Variants in COG5 observed in about 807,000 individuals in gnomAD.
The protein encoded by COG5 is conserved oligomeric Golgi complex subunit 5.
A neutral mutation model predicts 110.4 loss-of-function variants in COG5; 86 were observed. That is an observed-to-expected ratio of 0.78 (90% CI 0.65 to 0.93). The LOEUF (loss-of-function observed/expected upper bound fraction) is 0.93. Among genes scored for constraint, COG5 ranks in the 40% least tolerant of loss-of-function variants. The pLI, the probability that COG5 is intolerant of heterozygous loss-of-function variation, is 0.00. For missense variants in COG5, 1,077 were observed against 987.0 expected, an observed-to-expected ratio of 1.09 and a Z score of -1.22; for synonymous variants, 360 against 334.6, an observed-to-expected ratio of 1.08 and a Z score of -0.83.
intron 12 of COG5, among the ~76,000 whole-genome samples, chr7:107,289,981 C>G (rs1190413564): frequency 2.0e-5 from 3 of 152,186 alleles, no homozygotes; most frequent in Non-Finnish European, 2.9e-5. Context: ...GGCCACATCT[C>G]TCTCCAGGTG....
intron 6 of COG5, among the ~76,000 whole-genome samples, chr7:107,459,139 C>G (rs976009712): frequency 5.9e-5 from 9 of 151,872 alleles, no homozygotes; most frequent in Non-Finnish European, 5.9e-5. Flanking sequence ...ACTCTGCACT[C>G]TAATTAAAAG....
intron 10 of COG5, among the ~76,000 whole-genome samples, chr7:107,325,636 C>T (rs1809699803): frequency 6.6e-6 from 1 of 151,616 alleles, no homozygotes; most frequent in Non-Finnish European, 1.5e-5. Flanking sequence ...GGGCAACAGA[C>T]CAAAACTCAG....
chr7:107,368,551 G>A (rs1268936326), intron 8 of COG5, among the ~76,000 whole-genome samples: 1 of 151,928 alleles, frequency 6.6e-6, no homozygotes, highest in Non-Finnish European at 1.5e-5. Flanking sequence ...TAAGCTACAT[G>A]TTTATGTTTT....
intron 6 of COG5, among the ~76,000 whole-genome samples, chr7:107,445,302 T>C (rs1794942959): frequency 6.6e-6 from 1 of 152,216 alleles, no homozygotes; most frequent in Admixed American, 6.5e-5. Context: ...ACCATACACA[T>C]TTCTAAAGGT....
intron 13 of COG5, among the ~76,000 whole-genome samples, chr7:107,282,996 T>C (rs903731263): frequency 5.3e-5 from 8 of 152,210 alleles, no homozygotes; most frequent in African/African-American, 1.9e-4. Flanking sequence ...CAACTGCAAA[T>C]TGGTCTGGAT....
At position 107,212,608 on chromosome 7, in the gene COG5, G is replaced by A. The variant is rs940565910; in HGVS notation, c.2169-1383C>T. 2.0e-5 allele frequency among the ~76,000 whole-genome samples: 3 copies of A among 152,224 alleles called. 1 individual carries two copies. Among genetic ancestry groups the A allele is most frequent in the Admixed American group, 2.0e-4 (3 of 15,290 alleles). ...CATTATCAACAGGATAGCACCTACA[G>A]TGTGTCAGGCACAGTTTAAAGCTTT... On this transcript the variant is annotated intron_variant, in intron 19 of 21. Coordinates refer to ENST00000297135, the MANE Select transcript of COG5 (RefSeq NM_006348.5).
chr7:107,328,802 T>G (rs1323116776), intron 10 of COG5, among the ~76,000 whole-genome samples: 1 of 152,040 alleles, frequency 6.6e-6, no homozygotes, highest in Admixed American at 6.5e-5. Flanking sequence ...TTTATTTTAT[T>G]TTTATTATTT....
Position 107,337,433 on chromosome 7 carries a change from T to C in COG5, c.1027-12912A>G, listed in dbSNP as rs536650571. The stretch of plus-strand genomic sequence containing the variant: ...ATGGATAAAGAAAACATGACACATA[T>C]ACACAATGGAATACTACTTGGCCAC... On this transcript the variant is annotated intron_variant, in intron 10 of 21. Coordinates refer to ENST00000297135, the MANE Select transcript of COG5 (RefSeq NM_006348.5). Among the ~76,000 whole-genome samples the C allele has an allele frequency of 3.9e-5, 6 of 152,260 alleles. No individual in the cohort carries two copies. The South Asian group carries it at 1.0e-3, about 26-fold the overall frequency.
chr7:107,506,057 G>C (rs947668999), intron 6 of COG5, among the ~76,000 whole-genome samples: 2 of 152,206 alleles, frequency 1.3e-5, no homozygotes, highest in Admixed American at 1.3e-4. Context: ...AATGATGGTT[G>C]TAGTAGTAAT....
At chr7:107,263,601 T>C (rs1803554143) in intron 14 of COG5, among the ~76,000 whole-genome samples, 1 of 151,968 alleles carries the variant, frequency 6.6e-6, no homozygotes, top group Non-Finnish European at 1.5e-5. Context: ...ACACAAGGAA[T>C]GAGAGGGAAT....
chr7:107,422,816 C>T (rs1793386978), intron 6 of COG5, among the ~76,000 whole-genome samples: 1 of 140,612 alleles, frequency 7.1e-6, no homozygotes, highest in South Asian at 2.3e-4. Context: ...ACATTATTCT[C>T]CTTGGCTTCT....
intron 7 of COG5, among the ~76,000 whole-genome samples, chr7:107,379,811 G>T (rs1361654100): frequency 6.6e-6 from 1 of 152,046 alleles, no homozygotes; most frequent in Non-Finnish European, 1.5e-5. Context: ...AAGAGACTTA[G>T]ACTCCCACAC....
intron 6 of COG5, among the ~76,000 whole-genome samples, chr7:107,420,230 T>C (rs1793182945): frequency 1.3e-5 from 2 of 152,116 alleles, no homozygotes; most frequent in South Asian, 4.1e-4. Context: ...ACTCCAACAG[T>C]GAAGATTAAA....
At chr7:107,504,182 G>C (rs987504592) in intron 6 of COG5, among the ~76,000 whole-genome samples, 2 of 152,090 alleles carry the variant, frequency 1.3e-5, no homozygotes, top group East Asian at 3.9e-4. Context: ...TCTATGCCTA[G>C]TTTGTTGAGG....
rs368972254 is a variant in COG5, at chr7:107,382,293, G to A, written c.670-9533C>T. 5.9e-5 allele frequency among the ~76,000 whole-genome samples: 9 copies of A among 152,216 alleles called. No individual in the cohort carries two copies. In the East Asian group the frequency reaches 9.7e-4, roughly 16 times the overall value. Reference sequence around the variant, plus strand: ...AGGATACAAACCCATGGTTGGGCTCGGCTTTAAAAGGTCTTATCTGAGATT... The same window carrying A: ...AGGATACAAACCCATGGTTGGGCTCAGCTTTAAAAGGTCTTATCTGAGATT... On this transcript the variant is annotated intron_variant, in intron 7 of 21. Coordinates refer to ENST00000297135, the MANE Select transcript of COG5 (RefSeq NM_006348.5).
intron 6 of COG5, among the ~76,000 whole-genome samples, chr7:107,443,117 C>G (rs1186294495): frequency 6.6e-6 from 1 of 151,956 alleles, no homozygotes; most frequent in Non-Finnish European, 1.5e-5. Flanking sequence ...TGTCTGTCAG[C>G]TGATGAAAAG....
At chr7:107,312,497 G>A (rs1014959774) in intron 11 of COG5, among the ~76,000 whole-genome samples, 5 of 152,162 alleles carry the variant, frequency 3.3e-5, no homozygotes, top group African/African-American at 9.7e-5. Flanking sequence ...GGGTGGGCAT[G>A]GGGAAAGAGG....
At chr7:107,516,253 C>T (rs964692783) in intron 6 of COG5, among the ~76,000 whole-genome samples, 3 of 152,126 alleles carry the variant, frequency 2.0e-5, no homozygotes, top group African/African-American at 7.2e-5. Flanking sequence ...TTTACAGATG[C>T]GTATCTGTCA....
intron 7 of COG5, among the ~76,000 whole-genome samples, chr7:107,381,500 A>ATT (rs1263492451): frequency 6.6e-6 from 1 of 152,232 alleles, no homozygotes; most frequent in African/African-American, 2.4e-5. Context: ...AACCATAGAG[A>ATT]TAACCAAACT....
Sources: gnomAD v4.1 joint callset for allele counts (sites outside exome capture counted in the v4.1 genomes callset) on GRCh38, gnomAD v4.1.1 for gene constraint, MANE v1.5 for transcripts, NCBI Gene and HGNC (gene_info 2026-07-23, HGNC 2026-07-21) for gene names.